Variants in TTC38 observed in about 807,000 individuals in gnomAD.
TTC38 encodes the protein tetratricopeptide repeat protein 38.
TTC38 carries 64 observed loss-of-function variants against 64.2 expected under a neutral mutation model. That is an observed-to-expected ratio of 1.00 (90% confidence interval 0.81 to 1.23). The LOEUF (loss-of-function observed/expected upper bound fraction) is 1.23. Ranked by LOEUF, TTC38 falls within the 50% of genes most tolerant of loss-of-function variation. The pLI, the probability that TTC38 is intolerant of heterozygous loss-of-function variation, is 0.00. For missense variants in TTC38, 573 were observed against 615.5 expected (o/e 0.93, Z 0.73); for synonymous variants, 254 against 249.3 (o/e 1.02, Z -0.18).
At chr22:46,278,790 A>G (rs1300319552) in intron 6 of TTC38, 129 bp downstream of exon 6, 2 of 793,996 alleles carry the variant, frequency 2.5e-6, no homozygotes, top group East Asian at 4.9e-5. Flanking sequence ...CCTCAGAGAG[A>G]CTGGGGAGCT....
rs1936810510 is a variant in TTC38, at chr22:46,268,445, C to T, written c.34-69C>T. On this transcript the variant is annotated intron_variant, in intron 1 of 13. Transcript: ENST00000381031. Reference sequence around the variant, plus strand: ...GGTGGAGGTCAGAGGGGCCAGGAGACGTGTGTGTGTTGAAGTTTGAAGGGC... The same window carrying T: ...GGTGGAGGTCAGAGGGGCCAGGAGATGTGTGTGTGTTGAAGTTTGAAGGGC... 17 of 1,502,176 alleles carry T rather than the reference C, an allele frequency of 1.1e-5. No individual in the cohort carries two copies. In the East Asian group the frequency reaches 3.9e-4, roughly 34 times the overall value. 93.1% of individuals were successfully genotyped at this position (1,502,176 alleles called of 1,614,324 possible). A position where few individuals can be genotyped will look rare whatever the true frequency, so the allele number is the denominator to read the frequency against.
In TTC38 at chr22:46,289,451, C is replaced by G; in HGVS notation, c.1132C>G (p.Pro378Ala). 6.2e-7 allele frequency: 1 copy of G among 1,609,580 alleles called. No homozygotes were observed. Among genetic ancestry groups the G allele is most frequent in the Non-Finnish European group, 8.5e-7 (1 of 1,179,756 alleles). The change falls in exon 12 of 14, where the codon CCC becomes GCC. Residue 378 changes from proline to alanine, a missense_variant. Physicochemically the swap from Pro to Ala is conservative, Grantham distance 27. Around this residue, in one of 3 missense-constraint regions of TTC38, gnomAD observed 371 missense variants for 381.8 expected, o/e 0.97. Transcript: ENST00000381031. Reference sequence around the variant, plus strand: ...CCTCCTGGCCCGAGACGTGGGGCTGCCCCTGTGCCAGGCCCTGGTGGAGGC... The same window carrying G: ...CCTCCTGGCCCGAGACGTGGGGCTGGCCCTGTGCCAGGCCCTGGTGGAGGC... ...QHLLARDVGL[P>A]LCQALVEAED... is the part of the protein sequence containing the mutation.
Position 46,273,421 on chromosome 22 carries a change from T to A in TTC38, c.194-477T>A, listed in dbSNP as rs1448632183. The stretch of plus-strand genomic sequence containing the variant: ...CCTGCACTCCTGCCAGCAAGGCTGC[T>A]GCGAGGGCCACAAGGCACTCACCCC... On this transcript the variant is annotated intron_variant, in intron 3 of 13. Transcript: ENST00000381031. This position sits in a 1 kb window ranked among gnomAD's most constrained non-coding sequence, Gnocchi z 5.1. Among the ~76,000 whole-genome samples, 1 of 152,228 alleles carries A rather than the reference T, an allele frequency of 6.6e-6. No homozygotes were observed. Among genetic ancestry groups the A allele is most frequent in the Non-Finnish European group, 1.5e-5 (1 of 68,024 alleles).
chr22:46,289,305 C>G (rs2077594593), intron 11 of TTC38, 97 bp from the exon 12 acceptor site: 1 of 1,465,828 alleles, frequency 6.8e-7, no homozygotes, highest in Non-Finnish European at 9.2e-7. Flanking sequence ...GTGTCAGGCA[C>G]TGGACCAGGG....
chr22:46,292,405 C>T lies in TTC38; in HGVS notation c.1317-386C>T, dbSNP rs951490322. 6.6e-6 allele frequency: 2 copies of T among 302,082 alleles called. No individual in the cohort carries two copies. Among genetic ancestry groups the T allele is most frequent in the East Asian group, 7.8e-5 (1 of 12,832 alleles). 18.7% of individuals were successfully genotyped at this position (302,082 alleles called of 1,614,324 possible). ...GGGCCCCACCCTCATGACTTAATCA[C>T]CTCCAAGAGGCCCTGTTCTTAATAC... On this transcript the variant is annotated intron_variant, in intron 13 of 13. Coordinates refer to ENST00000381031, the MANE Select transcript of TTC38 (RefSeq NM_017931.4). The surrounding 1 kb of genome is among the most constrained non-coding windows in gnomAD (Gnocchi z 6.5).
chr22:46,284,141 T>C lies in TTC38; in HGVS notation c.795+109T>C, dbSNP rs1026118595. On this transcript the variant is annotated intron_variant, in intron 8 of 13. Transcript: ENST00000381031. ...CACATCCGTTGGAGCCCTGATGCAA[T>C]GGAGCATTAACATTTCCAAAGAGCA... The C allele has an allele frequency of 1.1e-5, 10 of 887,962 alleles. 1 individual carries two copies. Among genetic ancestry groups the C allele is most frequent in the East Asian group, 2.5e-5 (1 of 39,286 alleles). The allele number at this position is 887,962 out of a possible 1,614,324, so 55.0% of individuals were successfully genotyped here. A position where few individuals can be genotyped will look rare whatever the true frequency, so the allele number is the denominator to read the frequency against.
intron 9 of TTC38, among the ~76,000 whole-genome samples, chr22:46,285,692 CTG>C (rs1272258514): frequency 6.6e-6 from 1 of 150,470 alleles, no homozygotes; most frequent in African/African-American, 2.4e-5. Flanking sequence ...TTTTTCTTTG[CTG>C]TGATAAAATA....
rs1184182631 is a variant in TTC38, at chr22:46,274,135, C to T, written c.365+66C>T. On this transcript the variant is annotated intron_variant, in intron 4 of 13. Transcript: ENST00000381031. This position sits in a 1 kb window ranked among gnomAD's most constrained non-coding sequence, Gnocchi z 4.8. ...TGAGCTGGGGGAGTGGCAGGGTATC[C>T]CTTTCCTGATGCCCTTGGGACGGGG... 3 of 1,359,316 alleles carry T rather than the reference C, an allele frequency of 2.2e-6. No individual in the cohort carries two copies. Among genetic ancestry groups the T allele is most frequent in the Non-Finnish European group, 3.1e-6 (3 of 966,114 alleles). The allele number at this position is 1,359,316 out of a possible 1,614,324, so 84.2% of individuals were successfully genotyped here.
In TTC38 at chr22:46,283,953, C is replaced by CT. The variant is rs111781624; in HGVS notation, c.736-7dup. On this transcript the variant is annotated intron_variant, in intron 7 of 13. Transcript: ENST00000381031. ...GGCCTTCAGACTTTTCATAAATTCTCTTTTTTTTTTTTTCTCCAGGACTCT... is the reference window on the plus strand; with the variant it reads ...GGCCTTCAGACTTTTCATAAATTCTCTTTTTTTTTTTTTTCTCCAGGACTCT... 224,829 of 1,202,082 alleles carry CT rather than the reference C, an allele frequency of 0.19. 4 individuals are homozygous for CT. Among genetic ancestry groups the CT allele is most frequent in the East Asian group, 0.27 (8,719 of 31,870 alleles). 74.5% of individuals were successfully genotyped at this position (1,202,082 alleles called of 1,614,324 possible).
rs181830076 is a variant in TTC38, at chr22:46,273,659, C to G, written c.194-239C>G. 6.6e-6 allele frequency among the ~76,000 whole-genome samples: 1 copy of G among 152,236 alleles called. No homozygotes were observed. Among genetic ancestry groups the G allele is most frequent in the Non-Finnish European group, 1.5e-5 (1 of 68,046 alleles). On this transcript the variant is annotated intron_variant, in intron 3 of 13. Transcript: ENST00000381031. This position sits in a 1 kb window ranked among gnomAD's most constrained non-coding sequence, Gnocchi z 5.1. Reference sequence around the variant, plus strand: ...GGAAGGTGCTTTAGACACTGGCACTCAGCAGAATGCCCTCACTAGAAAAAT... The same window carrying G: ...GGAAGGTGCTTTAGACACTGGCACTGAGCAGAATGCCCTCACTAGAAAAAT...
rs2077531202 is a variant in TTC38, at chr22:46,281,112, T to C, written c.616-487T>C. On this transcript the variant is annotated intron_variant, in intron 6 of 13. Transcript: ENST00000381031. This position sits in a 1 kb window ranked among gnomAD's most constrained non-coding sequence, Gnocchi z 5.2. ...AGAAAGCCACGTGTCCTCACATATA[T>C]GGTAGTGGGAAGAGGCAGTCACAGC... is the stretch of plus-strand genomic sequence containing the variant. Among the ~76,000 whole-genome samples the C allele has an allele frequency of 6.6e-6, 1 of 152,148 alleles. No homozygotes were observed. Among genetic ancestry groups the C allele is most frequent in the South Asian group, 2.1e-4 (1 of 4,822 alleles).
intron 5 of TTC38, among the ~76,000 whole-genome samples, chr22:46,277,076 C>G (rs1405038831): frequency 6.6e-6 from 1 of 151,096 alleles, no homozygotes; most frequent in African/African-American, 2.4e-5. Flanking sequence ...CACACACACA[C>G]ACACACACAT....
At position 46,275,210 on chromosome 22, in the gene TTC38, GT is replaced by G; in HGVS notation, c.366-37del. On this transcript the variant is annotated intron_variant, in intron 4 of 13. Transcript: ENST00000381031. This position sits in a 1 kb window ranked among gnomAD's most constrained non-coding sequence, Gnocchi z 4.5. ...TACACTCCCTGTGTGGGTGGACTATGTGTTCAGCGTTGGTGAGAAATCTTTC... is the reference window on the plus strand; with the variant it reads ...TACACTCCCTGTGTGGGTGGACTATGGTTCAGCGTTGGTGAGAAATCTTTC... The G allele has an allele frequency of 6.3e-7, 1 of 1,591,184 alleles. No homozygotes were observed. The highest frequency in any genetic ancestry group is 8.6e-7 in the Non-Finnish European group (1 of 1,165,058).
Position 46,270,640 on chromosome 22 carries a change from C to T in TTC38, c.112-1695C>T, listed in dbSNP as rs1453410809. ...CTGAGGTCAGGAGTTCAACACCAGC[C>T]TGGCCAACATGGTGAAACCCTGTCT... On this transcript the variant is annotated intron_variant, in intron 2 of 13. Coordinates refer to ENST00000381031, the MANE Select transcript of TTC38 (RefSeq NM_017931.4). The surrounding 1 kb of genome is among the most constrained non-coding windows in gnomAD (Gnocchi z 4.7). 2.6e-5 allele frequency among the ~76,000 whole-genome samples: 4 copies of T among 152,192 alleles called. No homozygotes were observed. The East Asian group carries it at 5.8e-4, about 22-fold the overall frequency.
At chr22:46,277,046 T>TACACACAC (rs4044315) in intron 5 of TTC38, among the ~76,000 whole-genome samples, 7 of 131,332 alleles carry the variant, frequency 5.3e-5, no homozygotes, top group South Asian at 4.8e-4. Context: ...TATATATACA[T>TACACACAC]ACACACACAC....
At chr22:46,280,897 C>T (rs1260556001) in intron 6 of TTC38, among the ~76,000 whole-genome samples, 4 of 152,376 alleles carry the variant, frequency 2.6e-5, no homozygotes, top group Non-Finnish European at 5.9e-5. Flanking sequence ...ATTTTCTAAG[C>T]TCTGACTGTG....
chr22:46,285,907 C>T (rs1349721122), intron 9 of TTC38, among the ~76,000 whole-genome samples: 1 of 148,538 alleles, frequency 6.7e-6, no homozygotes, highest in African/African-American at 2.5e-5. Flanking sequence ...CCCAGCTACT[C>T]GGGGGGCTGA....
rs144479100 is a variant in TTC38 at position 46,284,907 on chromosome 22, A to G, written c.796-334A>G. On this transcript the variant is annotated intron_variant, in intron 8 of 13. Transcript: ENST00000381031. ...AAAAAAAAAGAAAAAGGCTAGAAAG[A>G]AATACATGAAAAAGCTTGCAGCAGT... Among the ~76,000 whole-genome samples, 802 of 152,068 alleles carry G rather than the reference A, an allele frequency of 5.3e-3. 8 individuals carry two copies. Among genetic ancestry groups the G allele is most frequent in the African/African-American group, 0.018 (754 of 41,450 alleles).
intron 9 of TTC38, among the ~76,000 whole-genome samples, chr22:46,285,694 G>C (rs1296286536): frequency 6.6e-6 from 1 of 151,008 alleles, no homozygotes; most frequent in Non-Finnish European, 1.5e-5. Context: ...TTTCTTTGCT[G>C]TGATAAAATA....
Sources: gnomAD v4.1 joint callset for allele counts (sites outside exome capture counted in the v4.1 genomes callset) on GRCh38, gnomAD v4.1.1 for gene constraint, gnomAD v4.1.1 regional missense constraint, Gnocchi (gnomAD v3.1) non-coding constraint, MANE v1.5 for transcripts, NCBI Gene and HGNC (gene_info 2026-07-23, HGNC 2026-07-21) for gene names.